Variants in GLB1 observed in about 807,000 individuals in gnomAD.
The protein encoded by GLB1 is galactosidase beta 1.
Under a neutral mutation model 74.0 loss-of-function variants are expected in GLB1, and 56 were observed. The ratio of observed to expected loss-of-function variants is 0.76; its 90% CI spans 0.61 to 0.94. The LOEUF is 0.94. GLB1 is among the 40% of genes least tolerant of loss of function. The pLI is 0.00. For missense variants in GLB1, 787 were observed against 845.5 expected (o/e 0.93, Z 0.86); for synonymous variants, 323 against 323.6 (o/e 1.00, Z 0.02).
chr3:33,052,049 T>C (rs576290414), intron 7 of GLB1, 45 bp from the exon 8 acceptor site: 17 of 1,608,574 alleles, frequency 1.1e-5, no homozygotes, highest in Middle Eastern at 2.0e-4. Context: ...ACTTATGACC[T>C]TCCAATGCCA....
At chr3:33,067,424 G>A (rs979502116) in intron 4 of GLB1, among the ~76,000 whole-genome samples, 16 of 150,568 alleles carry the variant, frequency 1.1e-4, no homozygotes, top group Non-Finnish European at 1.8e-4. Context: ...TCAGCCTCCC[G>A]GACTACAGGC....
At chr3:32,999,797 T>C (rs1460438782) in intron 15 of GLB1, among the ~76,000 whole-genome samples, 1 of 152,126 alleles carries the variant, frequency 6.6e-6, no homozygotes, top group Admixed American at 6.6e-5. Flanking sequence ...AATACAGGCG[T>C]GCACCACCAT....
intron 15 of GLB1, among the ~76,000 whole-genome samples, chr3:32,997,920 A>G (rs1339010200): frequency 6.6e-6 from 1 of 152,206 alleles, no homozygotes; most frequent in Non-Finnish European, 1.5e-5. Context: ...AGTGGTCCCC[A>G]AAACAACCCC....
intron 10 of GLB1, chr3:33,038,019 C>CAAA (rs63478362): frequency 8.4e-5 from 6 of 71,698 alleles, no homozygotes; most frequent in African/African-American, 3.7e-4. Flanking sequence ...GGCGACTCTT[C>CAAA]AAAAAAAAAA....
chr3:32,962,274 G>C, the GLB1 span, among the ~76,000 whole-genome samples: 1 of 151,976 alleles, frequency 6.6e-6, no homozygotes, highest in African/African-American at 2.4e-5. Context: ...TTCTGGATCA[G>C]AAAAAGGACA....
intron 10 of GLB1, chr3:33,033,928 CTACT>C (rs1698163722): frequency 3.6e-6 from 2 of 548,886 alleles, no homozygotes; most frequent in African/African-American, 3.8e-5. Context: ...CCCAGATGGA[CTACT>C]ATGGCACCCG....
chr3:32,968,463 G>T, the GLB1 span, among the ~76,000 whole-genome samples: 1 of 152,204 alleles, frequency 6.6e-6, no homozygotes, highest in East Asian at 1.9e-4. Flanking sequence ...GCTCAAATCT[G>T]CTCTAAAAGT....
intron 15 of GLB1, among the ~76,000 whole-genome samples, chr3:33,004,991 CA>C (rs932743450): frequency 6.6e-6 from 1 of 152,086 alleles, no homozygotes. Flanking sequence ...CTGAGGACTG[CA>C]ACATAGAAGC....
chr3:33,070,138 T>A (rs1699839378), intron 2 of GLB1, among the ~76,000 whole-genome samples: 1 of 152,232 alleles, frequency 6.6e-6, no homozygotes, highest in African/African-American at 2.4e-5. Flanking sequence ...ATGATCTCAT[T>A]CTTTTTTGTG....
At chr3:32,977,275 C>T in the GLB1 span, among the ~76,000 whole-genome samples, 8 of 150,400 alleles carry the variant, frequency 5.3e-5, no homozygotes, top group South Asian at 8.5e-4. Context: ...GGCGCAATCT[C>T]GGCTCACTGC....
the GLB1 span, among the ~76,000 whole-genome samples, chr3:32,977,778 C>T: frequency 6.6e-6 from 1 of 152,130 alleles, no homozygotes; most frequent in Non-Finnish European, 1.5e-5. Flanking sequence ...GGATATCATC[C>T]GAGAAGATTG....
chr3:33,096,883 T>C, intron 1 of GLB1, 128 bp downstream of exon 1: 1 of 1,467,968 alleles, frequency 6.8e-7, no homozygotes, highest in Non-Finnish European at 9.0e-7. Flanking sequence ...GCCGCGAGCC[T>C]GCTGGGGGGC....
At chr3:33,048,254 T>C (rs1698823616) in intron 9 of GLB1, among the ~76,000 whole-genome samples, 1 of 152,106 alleles carries the variant, frequency 6.6e-6, no homozygotes, top group Non-Finnish European at 1.5e-5. Flanking sequence ...TAAGGATGGA[T>C]TGGAAGACTA....
downstream of GLB1, among the ~76,000 whole-genome samples, chr3:32,994,123 T>C (rs944539133): frequency 3.3e-5 from 5 of 152,212 alleles, no homozygotes; most frequent in Non-Finnish European, 7.3e-5. Context: ...TAACTGTATA[T>C]GGATGTTCAT....
intron 12 of GLB1, among the ~76,000 whole-genome samples, chr3:33,019,762 TC>T (rs1697392657): frequency 6.6e-6 from 1 of 152,192 alleles, no homozygotes; most frequent in Admixed American, 6.5e-5. Context: ...GTCAAGGGCT[TC>T]CAGAAGGAGG....
chr3:33,082,092 G>C (rs900576594), intron 1 of GLB1, among the ~76,000 whole-genome samples: 7 of 152,176 alleles, frequency 4.6e-5, no homozygotes, highest in Non-Finnish European at 7.3e-5. Flanking sequence ...CCTAAGAAAA[G>C]GGGCACCCCA....
chr3:32,973,344 T>G, the GLB1 span, among the ~76,000 whole-genome samples: 9 of 152,240 alleles, frequency 5.9e-5, no homozygotes, highest in Admixed American at 5.2e-4. Context: ...TAATTGCATT[T>G]TTTTTTTGAG....
intron 15 of GLB1, among the ~76,000 whole-genome samples, chr3:33,008,983 G>C (rs1438728743): frequency 3.3e-5 from 5 of 152,112 alleles, no homozygotes; most frequent in African/African-American, 1.2e-4. Context: ...GCCAGGCGTG[G>C]TGGTGCATGC....
chr3:33,016,894 G>A (rs1383340247), intron 13 of GLB1, 54 bp from the exon 14 acceptor site: 3 of 1,605,244 alleles, frequency 1.9e-6, no homozygotes, highest in Non-Finnish European at 2.6e-6. Context: ...AGGTCAGCAA[G>A]GAGAGGCAGC....
Sources: allele counts gnomAD v4.1 joint callset (sites outside exome capture counted in the v4.1 genomes callset), GRCh38; gene constraint gnomAD v4.1.1; transcripts MANE v1.5; gene names NCBI Gene and HGNC (gene_info 2026-07-23, HGNC 2026-07-21).